Variants in NTRK3 observed in about 807,000 individuals in gnomAD.
NTRK3 encodes neurotrophic receptor tyrosine kinase 3, also known as NT-3 growth factor receptor.
Under a neutral mutation model 91.7 loss-of-function variants are expected in NTRK3, and 24 were observed. The observed-to-expected ratio is 0.26, with a 90% CI of 0.19 to 0.37. The LOEUF (loss-of-function observed/expected upper bound fraction) is 0.37, where lower values mean the gene tolerates loss of function less well. NTRK3 is among the 10% of genes least tolerant of loss of function. The pLI is 1.00. For synonymous variants in NTRK3, 483 were observed against 404.0 expected (o/e 1.20, Z -2.34); for missense variants, 880 against 1,068.9 (o/e 0.82, Z 2.46).
chr15:87,957,757 C>T (rs919388047), intron 14 of NTRK3, among the ~76,000 whole-genome samples: 1 of 152,196 alleles, frequency 6.6e-6, no homozygotes, highest in Admixed American at 6.5e-5. Flanking sequence ...TGAAAGAGGA[C>T]TGAATCATTT....
At chr15:88,211,371 C>A (rs1477949722) in intron 3 of NTRK3, among the ~76,000 whole-genome samples, 1 of 152,144 alleles carries the variant, frequency 6.6e-6, no homozygotes, top group Non-Finnish European at 1.5e-5. Context: ...GAATAATAGG[C>A]CGTTATAGAG....
chr15:88,017,129 G>A (rs1193193348), intron 14 of NTRK3, among the ~76,000 whole-genome samples: 2 of 152,128 alleles, frequency 1.3e-5, no homozygotes, highest in African/African-American at 4.8e-5. Flanking sequence ...AGACCAGAGG[G>A]AAAGAAATAT....
chr15:88,195,196 A>G (rs1158704879), intron 3 of NTRK3, among the ~76,000 whole-genome samples: 2 of 152,192 alleles, frequency 1.3e-5, no homozygotes, highest in Non-Finnish European at 2.9e-5. Flanking sequence ...ATTCCAAAAT[A>G]TCAGTAGCGC....
chr15:88,011,347 C>T (rs2076868724), intron 14 of NTRK3, among the ~76,000 whole-genome samples: 1 of 152,156 alleles, frequency 6.6e-6, no homozygotes, highest in Non-Finnish European at 1.5e-5. Context: ...GAAAGTTTAT[C>T]TGGGAATGAA....
At chr15:88,168,767 TCTATGAAGCAGGTA>T (rs2045236305) in intron 5 of NTRK3, among the ~76,000 whole-genome samples, 6 of 152,308 alleles carry the variant, frequency 3.9e-5, no homozygotes, top group African/African-American at 1.4e-4. Flanking sequence ...CCTTAATTCC[TCTATGAAGCAGGTA>T]CCTGCTCCTG....
intron 13 of NTRK3, among the ~76,000 whole-genome samples, chr15:88,078,771 A>C (rs2047781495): frequency 6.6e-6 from 1 of 152,200 alleles, no homozygotes; most frequent in African/African-American, 2.4e-5. Flanking sequence ...GTCCTGGGGA[A>C]GCGACACTCC....
intron 13 of NTRK3, among the ~76,000 whole-genome samples, chr15:88,037,649 T>A (rs368485982): frequency 2.0e-5 from 3 of 152,302 alleles, no homozygotes; most frequent in East Asian, 3.9e-4. Context: ...AGGATTAAGC[T>A]TGAAAATGAG....
intron 13 of NTRK3, among the ~76,000 whole-genome samples, chr15:88,081,632 T>A (rs2150651380): frequency 6.6e-6 from 1 of 152,332 alleles, no homozygotes; most frequent in South Asian, 2.1e-4. Context: ...AAGGGCTGTG[T>A]GGGCAGTGCC....
chr15:87,901,789 G>A (rs976680793), intron 17 of NTRK3, among the ~76,000 whole-genome samples: 28 of 152,014 alleles, frequency 1.8e-4, no homozygotes, highest in Admixed American at 9.8e-4. Flanking sequence ...GAGAAAGGGA[G>A]AGAGGAAGGG....
At chr15:87,922,496 C>T (rs1188679592) in intron 17 of NTRK3, among the ~76,000 whole-genome samples, 1 of 152,180 alleles carries the variant, frequency 6.6e-6, no homozygotes, top group African/African-American at 2.4e-5. Flanking sequence ...CTGGGAAATT[C>T]ATTTCAGTAA....
chr15:88,228,221 C>G (rs1247380573), intron 3 of NTRK3, among the ~76,000 whole-genome samples: 1 of 152,174 alleles, frequency 6.6e-6, no homozygotes, highest in Non-Finnish European at 1.5e-5. Flanking sequence ...AGAATCCATG[C>G]ATGCCCCCTC....
At chr15:88,238,281 T>C (rs1014414574) in intron 3 of NTRK3, among the ~76,000 whole-genome samples, 1 of 152,240 alleles carries the variant, frequency 6.6e-6, no homozygotes, top group Non-Finnish European at 1.5e-5. Flanking sequence ...GATTTTAATA[T>C]TGTTTTTATT....
intron 14 of NTRK3, among the ~76,000 whole-genome samples, chr15:87,988,306 G>T (rs2075007715): frequency 1.3e-5 from 2 of 152,206 alleles, no homozygotes; most frequent in Non-Finnish European, 2.9e-5. Context: ...AACTGTCAGA[G>T]ATCATAGAAG....
chr15:88,005,568 G>T (rs1006739674), intron 14 of NTRK3, among the ~76,000 whole-genome samples: 2 of 152,068 alleles, frequency 1.3e-5, no homozygotes, highest in African/African-American at 4.8e-5. Flanking sequence ...GCCTTGACTT[G>T]TCTCAACTTT....
At chr15:88,204,840 G>C (rs114756145) in intron 3 of NTRK3, among the ~76,000 whole-genome samples, 2,387 of 152,272 alleles carry the variant, frequency 0.016, 59 homozygotes, top group African/African-American at 0.053. Flanking sequence ...ACATTCATCA[G>C]GTGTCACCTC....
intron 3 of NTRK3, among the ~76,000 whole-genome samples, chr15:88,194,461 A>G (rs766698643): frequency 1.3e-5 from 2 of 152,242 alleles, no homozygotes; most frequent in Non-Finnish European, 2.9e-5. Flanking sequence ...CTCCATATCA[A>G]TAAATGACAC....
rs55943475 is a variant in NTRK3 at position 88,050,486 on chromosome 15, CGTGTGTGTGTGTGTGT to C, written c.1397-17457_1397-17442del. ...GGTAGATTGAGTAATCAATATATAC[CGTGTGTGTGTGTGTGT>C]GTGTGTGTGTGTGTATGTGTGTGTG... is the stretch of plus-strand genomic sequence containing the variant. On this transcript the variant is annotated intron_variant, in intron 13 of 18. Coordinates refer to ENST00000394480, the Ensembl canonical transcript of NTRK3. 1.1e-4 allele frequency among the ~76,000 whole-genome samples: 16 copies of C among 144,262 alleles called. No homozygotes were observed. The East Asian group carries it at 3.1e-3, about 28-fold the overall frequency. The allele number at this position is 144,262 out of a possible 152,430, so 94.6% of individuals were successfully genotyped here.
At chr15:88,069,745 G>T (rs1375224295) in intron 13 of NTRK3, among the ~76,000 whole-genome samples, 1 of 152,212 alleles carries the variant, frequency 6.6e-6, no homozygotes, top group African/African-American at 2.4e-5. Context: ...CTTTCCATCT[G>T]CCTCTTCTCA....
intron 14 of NTRK3, among the ~76,000 whole-genome samples, chr15:87,986,849 G>C (rs1040169625): frequency 6.6e-6 from 1 of 152,244 alleles, no homozygotes; most frequent in Non-Finnish European, 1.5e-5. Context: ...AAACCATGCA[G>C]TCTCTGCTGC....
Sources: gnomAD v4.1 joint callset for allele counts (sites outside exome capture counted in the v4.1 genomes callset) on GRCh38, gnomAD v4.1.1 for gene constraint, MANE v1.5 for transcripts, NCBI Gene and HGNC (gene_info 2026-07-23, HGNC 2026-07-21) for gene names.